WDR45B: variants seen among roughly 807,000 people sequenced by gnomAD.
The protein encoded by WDR45B is WD repeat domain 45B.
A neutral mutation model predicts 44.6 loss-of-function variants in WDR45B; 20 were observed. That is an observed-to-expected ratio of 0.45 (90% CI 0.32 to 0.65). The LOEUF is 0.65. Ranked by LOEUF, WDR45B falls within the 30% of genes least tolerant of loss-of-function variation. WDR45B has a pLI of 0.05. For missense variants in WDR45B, 323 were observed against 430.2 expected, an observed-to-expected ratio of 0.75 and a Z score of 2.20; for synonymous variants, 169 against 164.9, an observed-to-expected ratio of 1.02 and a Z score of -0.19.
intron 3 of WDR45B, among the ~76,000 whole-genome samples, chr17:82,628,270 C>T (rs1006583804): frequency 1.3e-5 from 2 of 152,186 alleles, no homozygotes; most frequent in African/African-American, 4.8e-5. Flanking sequence ...TAGGACTGCA[C>T]GTGTGAGCCA....
intron 9 of WDR45B, 38 bp from the exon 10 acceptor site, chr17:82,616,063 T>C (rs1466541272): frequency 6.3e-7 from 1 of 1,582,662 alleles, no homozygotes; most frequent in Admixed American, 1.7e-5. Context: ...GTGTGTTTCT[T>C]TCCCTCAAGT....
intron 2 of WDR45B, among the ~76,000 whole-genome samples, chr17:82,633,471 A>T (rs1272419912): frequency 6.6e-6 from 1 of 152,232 alleles, no homozygotes; most frequent in Non-Finnish European, 1.5e-5. Context: ...CATCAGAGAC[A>T]TCAAAACCAA....
intron 2 of WDR45B, among the ~76,000 whole-genome samples, chr17:82,638,447 A>G (rs2045868757): frequency 6.6e-6 from 1 of 151,556 alleles, no homozygotes; most frequent in Non-Finnish European, 1.5e-5. Context: ...GGCCAGGGTG[A>G]AAACCAAAAT....
At position 82,627,410 on chromosome 17, in the gene WDR45B, C is replaced by T. The variant is rs1322683554; in HGVS notation, c.245-119G>A. The stretch of plus-strand genomic sequence containing the variant: ...TTCCCACTGGCACAGCTGCGCCCAC[C>T]CTCAGGCCTCAGACACACACCCGCA... On this transcript the variant is annotated intron_variant, in intron 3 of 9. Coordinates refer to ENST00000392325, the MANE Select transcript of WDR45B (RefSeq NM_019613.4). 1.2e-5 allele frequency: 10 copies of T among 822,542 alleles called. No individual in the cohort carries two copies. The East Asian group carries it at 2.6e-4, about 21-fold the overall frequency. The allele number at this position is 822,542 out of a possible 1,614,324, so 51.0% of individuals were successfully genotyped here.
chr17:82,646,619 G>C (rs2045981879), intron 1 of WDR45B, among the ~76,000 whole-genome samples: 1 of 151,998 alleles, frequency 6.6e-6, no homozygotes, highest in South Asian at 2.1e-4. Flanking sequence ...GCATTTATTG[G>C]AATCAAGCGT....
chr17:82,647,837 G>A (rs1029229721), intron 1 of WDR45B, among the ~76,000 whole-genome samples: 6 of 151,922 alleles, frequency 3.9e-5, no homozygotes, highest in African/African-American at 1.4e-4. Flanking sequence ...GGGGCAAAAC[G>A]GGGTTCTGGG....
chr17:82,618,441 G>C (rs918668619), intron 7 of WDR45B, among the ~76,000 whole-genome samples: 8 of 152,140 alleles, frequency 5.3e-5, no homozygotes, highest in Non-Finnish European at 1.2e-4. Flanking sequence ...AAACCAACAT[G>C]GTCTCCAGCA....
intron 1 of WDR45B, among the ~76,000 whole-genome samples, chr17:82,645,297 C>CA (rs573297154): frequency 0.044 from 5,546 of 125,592 alleles, 296 homozygotes; most frequent in African/African-American, 0.13. Context: ...GACTCCGTCT[C>CA]AAAAAAAAAA....
chr17:82,633,930 C>T (rs1276123473), intron 2 of WDR45B, among the ~76,000 whole-genome samples: 2 of 151,388 alleles, frequency 1.3e-5, no homozygotes, highest in African/African-American at 2.4e-5. Flanking sequence ...AGGTGGATCA[C>T]TTGAGGTCAG....
chr17:82,635,139 T>C (rs2045816535), intron 2 of WDR45B, among the ~76,000 whole-genome samples: 2 of 151,968 alleles, frequency 1.3e-5, no homozygotes, highest in Non-Finnish European at 2.9e-5. Context: ...ATGGTTAAGA[T>C]GGTAAATTTT....
At chr17:82,648,191 CG>C in intron 1 of WDR45B, 82 bp downstream of exon 1, 1 of 1,470,766 alleles carries the variant, frequency 6.8e-7, no homozygotes. Flanking sequence ...CGGAAAGGGG[CG>C]CCCAGGAGAG....
chr17:82,624,036 G>A (rs2045658442), intron 5 of WDR45B, among the ~76,000 whole-genome samples: 1 of 152,144 alleles, frequency 6.6e-6, no homozygotes, highest in African/African-American at 2.4e-5. Context: ...CAACATGGTT[G>A]TGACCGGGCA....
intron 2 of WDR45B, among the ~76,000 whole-genome samples, chr17:82,634,808 C>T (rs2045813072): frequency 6.6e-6 from 1 of 152,040 alleles, no homozygotes; most frequent in African/African-American, 2.4e-5. Flanking sequence ...CTCAAGCAAT[C>T]CTCCTGCCTC....
chr17:82,631,906 A>G (rs1488258422), intron 2 of WDR45B, among the ~76,000 whole-genome samples: 2 of 151,730 alleles, frequency 1.3e-5, no homozygotes, highest in African/African-American at 4.8e-5. Context: ...AACATGGTGA[A>G]ACGCTGTCTT....
chr17:82,638,228 AGAGGAGGGGAGGGGAGGGGAGGGGAGGGG>A (rs2045863280), intron 2 of WDR45B, among the ~76,000 whole-genome samples: 1 of 5,474 alleles, frequency 1.8e-4, no homozygotes, highest in Non-Finnish European at 2.8e-4. Context: ...AGGGGAGGGG[AGAGGAGGGGAGGGGAGGGGAGGGGAGGGG>A]AGGGGAGGGG....
At chr17:82,636,528 G>C (rs1234564423) in intron 2 of WDR45B, 1 of 151,888 alleles carries the variant, frequency 6.6e-6, no homozygotes, top group Admixed American at 6.6e-5. Flanking sequence ...CAGCTGAAGA[G>C]GGGGAAAGGG....
Position 82,615,551 on chromosome 17 carries a change from T to A in WDR45B, c.*368A>T. The A allele has an allele frequency of 3.1e-6, 1 of 326,166 alleles. No homozygotes were observed. Among genetic ancestry groups the A allele is most frequent in the East Asian group, 7.0e-5 (1 of 14,298 alleles). The allele number at this position is 326,166 out of a possible 1,614,324, so 20.2% of individuals were successfully genotyped here. On this transcript the variant is annotated 3_prime_UTR_variant, in exon 10 of 10. Transcript: ENST00000392325. Reference sequence around the variant, plus strand: ...ACTCAGTAAGAACGACGGAATCTGCTGCAAAAACAAACCTGAACTCGTCCA... The same window carrying A: ...ACTCAGTAAGAACGACGGAATCTGCAGCAAAAACAAACCTGAACTCGTCCA...
intron 3 of WDR45B, 60 bp downstream of exon 3, chr17:82,630,861 T>C: frequency 6.7e-7 from 1 of 1,489,736 alleles, no homozygotes; most frequent in Non-Finnish European, 9.3e-7. Flanking sequence ...CATAAACGCA[T>C]TCAAAAAAAG....
chr17:82,619,243 C>T, intron 6 of WDR45B, 115 bp from the exon 7 acceptor site: 1 of 948,712 alleles, frequency 1.1e-6, no homozygotes, highest in Non-Finnish European at 1.6e-6. Flanking sequence ...TCAAACTCAC[C>T]CACATCATCT....
Sources: gnomAD v4.1 joint callset for allele counts (sites outside exome capture counted in the v4.1 genomes callset) on GRCh38, gnomAD v4.1.1 for gene constraint, MANE v1.5 for transcripts, NCBI Gene and HGNC (gene_info 2026-07-23, HGNC 2026-07-21) for gene names.